The following GAL3ST2 variants were observed in gnomAD, a reference collection of about 807,000 sequenced individuals.
GAL3ST2 encodes galactose-3-O-sulfotransferase 2.
A neutral mutation model predicts 12.9 loss-of-function variants in GAL3ST2; 16 were observed. The ratio of observed to expected loss-of-function variants is 1.24; its 90% CI spans 0.84 to 1.88. The LOEUF is 1.88. GAL3ST2 is among the 40% of genes most tolerant of loss of function. GAL3ST2 has a pLI of 0.00. For missense variants in GAL3ST2, 639 were observed against 571.8 expected (o/e 1.12, Z -1.20); for synonymous variants, 302 against 273.9 (o/e 1.10, Z -1.01).
intron 1 of GAL3ST2, among the ~76,000 whole-genome samples, chr2:241,784,475 C>T (rs1699604354): frequency 6.6e-6 from 1 of 152,088 alleles, no homozygotes; most frequent in Middle Eastern, 3.2e-3. Flanking sequence ...TTAACAAATG[C>T]AAACAAAAAT....
In GAL3ST2 at chr2:241,803,903, G is replaced by T; in HGVS notation, c.934G>T (p.Ala312Ser). The T allele has an allele frequency of 2.1e-6, 3 of 1,413,968 alleles. No individual in the cohort carries two copies. The highest frequency in any genetic ancestry group is 1.8e-6 in the Non-Finnish European group (2 of 1,091,700). The allele number at this position is 1,413,968 out of a possible 1,614,324, so 87.6% of individuals were successfully genotyped here. A position where few individuals can be genotyped will look rare whatever the true frequency, so the allele number is the denominator to read the frequency against. The part of the protein sequence containing the change: ...RLRGEVERLR[A>S]RRRELASLCL... ...GCGCGGGGAGGTGGAGCGGCTGCGC[G>T]CCCGGAGGCGCGAACTCGCGAGCCT... The change falls in exon 4 of 4, where the codon GCC becomes TCC. Residue 312 changes from alanine to serine, a missense_variant. Ala to Ser is a moderately conservative substitution (Grantham distance 99, BLOSUM62 1). Coordinates refer to ENST00000192314, the MANE Select transcript of GAL3ST2 (RefSeq NM_022134.3).
chr2:241,799,999 A>C (rs544498342), intron 2 of GAL3ST2, among the ~76,000 whole-genome samples: 8 of 152,334 alleles, frequency 5.3e-5, no homozygotes, highest in African/African-American at 1.4e-4. Flanking sequence ...AAGGGACAAG[A>C]AGCACTGCAC....
In GAL3ST2 at chr2:241,795,050, G is replaced by A. The variant is rs1047026009; in HGVS notation, c.30-4015G>A. On this transcript the variant is annotated intron_variant, in intron 1 of 3. Transcript: ENST00000192314. The surrounding 1 kb of genome is among the most constrained non-coding windows in gnomAD (Gnocchi z 4.5). ...GCCACAGGCTCTCCTTAAAGAATGT[G>A]TAACAATGTGTAACTCCTGCGTGTA... Among the ~76,000 whole-genome samples the A allele has an allele frequency of 2.0e-5, 3 of 152,082 alleles. No homozygotes were observed. The highest frequency in any genetic ancestry group is 2.1e-4 in the South Asian group (1 of 4,820).
rs866723965 is a variant in GAL3ST2, at chr2:241,804,135, C to T, written c.1166C>T (p.Pro389Leu). 1.4e-6 allele frequency: 2 copies of T among 1,475,756 alleles called. No individual in the cohort carries two copies. Among genetic ancestry groups the T allele is most frequent in the Non-Finnish European group, 1.8e-6 (2 of 1,108,952 alleles). The allele number at this position is 1,475,756 out of a possible 1,614,324, so 91.4% of individuals were successfully genotyped here. ...RLYALQFPEK[P>L]LKNIPFLGA ...TACGCCCTGCAGTTCCCGGAGAAGC[C>T]CCTCAAGAACATCCCGTTCCTGGGG... Residue 389 changes from proline (P) to leucine (L), a missense_variant, in exon 4 of 4, where the codon CCC (proline) becomes CTC (leucine). By Grantham distance (98) the Pro-to-Leu change is moderately conservative (BLOSUM62 -3). Coordinates refer to ENST00000192314, the MANE Select transcript of GAL3ST2 (RefSeq NM_022134.3).
rs1699845977 is a variant in GAL3ST2, at chr2:241,801,561, AGT to A, written c.120-219_120-218del. 26 of 588,052 alleles carry A rather than the reference AGT, an allele frequency of 4.4e-5. No homozygotes were observed. Among genetic ancestry groups the A allele is most frequent in the Non-Finnish European group, 7.2e-5 (24 of 335,092 alleles). 36.4% of individuals were successfully genotyped at this position (588,052 alleles called of 1,614,324 possible). A position where few individuals can be genotyped will look rare whatever the true frequency, so the allele number is the denominator to read the frequency against. On this transcript the variant is annotated intron_variant, in intron 2 of 3. Coordinates refer to ENST00000192314, the MANE Select transcript of GAL3ST2 (RefSeq NM_022134.3). The surrounding 1 kb of genome is among the most constrained non-coding windows in gnomAD (Gnocchi z 4.4). ...TTGGGGGAGCATGGTTACGGGAGAC[AGT>A]TGGGGGAGTTTGTGTTCGGGCCACC...
At chr2:241,790,589 C>G (rs1699683378) in intron 1 of GAL3ST2, among the ~76,000 whole-genome samples, 1 of 152,042 alleles carries the variant, frequency 6.6e-6, no homozygotes, top group African/African-American at 2.4e-5. Flanking sequence ...TTTATTTGAC[C>G]CTGTATATCA....
rs1279024847 is a variant in GAL3ST2 at position 241,795,594 on chromosome 2, C to CT, written c.30-3470dup. ...GTGGGCCTTATCAGTGAGTTAATCT[C>CT]TAACTGTGCGGAGCCGTAAAACTGC... is the stretch of plus-strand genomic sequence containing the variant. On this transcript the variant is annotated intron_variant, in intron 1 of 3. Transcript: ENST00000192314. This position sits in a 1 kb window ranked among gnomAD's most constrained non-coding sequence, Gnocchi z 4.5. 2.6e-5 allele frequency among the ~76,000 whole-genome samples: 4 copies of CT among 152,168 alleles called. No individual in the cohort carries two copies. The highest frequency in any genetic ancestry group is 1.3e-4 in the Admixed American group (2 of 15,282).
chr2:241,799,931 C>G (rs1264435284), intron 2 of GAL3ST2, among the ~76,000 whole-genome samples: 1 of 152,194 alleles, frequency 6.6e-6, no homozygotes, highest in Non-Finnish European at 1.5e-5. Context: ...TAGGAGTGGG[C>G]CCAGCCCTAC....
rs555124813 is a variant in GAL3ST2, at chr2:241,793,457, C to T, written c.30-5608C>T. Among the ~76,000 whole-genome samples the T allele has an allele frequency of 2.2e-4, 32 of 147,578 alleles. 1 individual carries two copies. The South Asian group carries it at 2.7e-3, about 13-fold the overall frequency. On this transcript the variant is annotated intron_variant, in intron 1 of 3. Coordinates refer to ENST00000192314, the MANE Select transcript of GAL3ST2 (RefSeq NM_022134.3). The surrounding 1 kb of genome is among the most constrained non-coding windows in gnomAD (Gnocchi z 4.7). Reference sequence around the variant, plus strand: ...TACGTGTATGTATGTACTGTGTATGCGTGTGTATGTGTATGCATGTGTATT... The same window carrying T: ...TACGTGTATGTATGTACTGTGTATGTGTGTGTATGTGTATGCATGTGTATT...
intron 1 of GAL3ST2, among the ~76,000 whole-genome samples, chr2:241,788,387 T>G (rs1440398070): frequency 6.7e-6 from 1 of 149,442 alleles, no homozygotes; most frequent in African/African-American, 2.4e-5. Flanking sequence ...CTTGGCTGTA[T>G]TTTTTTTTTC....
chr2:241,781,523 C>CCTAAACAGTGTCACAAGTACTTTA, intron 1 of GAL3ST2, among the ~76,000 whole-genome samples: 1 of 152,060 alleles, frequency 6.6e-6, no homozygotes, highest in African/African-American at 2.4e-5. Context: ...CAGCCATAGT[C>CCTAAACAGTGTCACAAGTACTTTA]AAAGACACAA....
rs572538701 is a variant in GAL3ST2, at chr2:241,795,140, T to G, written c.30-3925T>G. The stretch of plus-strand genomic sequence containing the variant: ...ACCCATTTACTGCCCCACGGTGCTC[T>G]GGGTCGGTCACGGGCACCTGTGGCT... On this transcript the variant is annotated intron_variant, in intron 1 of 3. Transcript: ENST00000192314. This position sits in a 1 kb window ranked among gnomAD's most constrained non-coding sequence, Gnocchi z 4.5. Among the ~76,000 whole-genome samples, 101 of 152,112 alleles carry G rather than the reference T, an allele frequency of 6.6e-4. No homozygotes were observed. Among genetic ancestry groups the G allele is most frequent in the Non-Finnish European group, 1.2e-3 (85 of 68,026 alleles).
At chr2:241,782,604 G>A (rs1403680421) in intron 1 of GAL3ST2, among the ~76,000 whole-genome samples, 2 of 152,138 alleles carry the variant, frequency 1.3e-5, no homozygotes, top group Admixed American at 6.5e-5. Flanking sequence ...GGGATTACAG[G>A]TGTGTACCAC....
At position 241,803,800 on chromosome 2, in the gene GAL3ST2, G is replaced by C; in HGVS notation, c.831G>C (p.Ala277=). 6.7e-7 allele frequency: 1 copy of C among 1,500,502 alleles called. No individual in the cohort carries two copies. The highest frequency in any genetic ancestry group is 8.8e-7 in the Non-Finnish European group (1 of 1,132,468). The allele number at this position is 1,500,502 out of a possible 1,614,324, so 92.9% of individuals were successfully genotyped here. A position where few individuals can be genotyped will look rare whatever the true frequency, so the allele number is the denominator to read the frequency against. ...ETRERARSWC[A]LDWRLYEHFN... Reference sequence around the variant, plus strand: ...GGGAGCGCGCGCGGAGCTGGTGCGCGCTGGACTGGCGCCTGTACGAGCATT... The same window carrying C: ...GGGAGCGCGCGCGGAGCTGGTGCGCCCTGGACTGGCGCCTGTACGAGCATT... Residue 277 remains alanine, a synonymous_variant, in exon 4 of 4, where the codon GCG becomes GCC. Transcript: ENST00000192314.
At chr2:241,796,032 G>T (rs907717605) in intron 1 of GAL3ST2, among the ~76,000 whole-genome samples, 1 of 152,232 alleles carries the variant, frequency 6.6e-6, no homozygotes, top group South Asian at 2.1e-4. Flanking sequence ...CTGAGGTGCC[G>T]CGTGTGCCGT....
chr2:241,798,737 G>A (rs575748992), intron 1 of GAL3ST2, among the ~76,000 whole-genome samples: 6 of 152,234 alleles, frequency 3.9e-5, no homozygotes, highest in African/African-American at 1.2e-4. Context: ...CGTGGGTAGA[G>A]GTCCCCTGAC....
chr2:241,796,776 G>A (rs1699776263), intron 1 of GAL3ST2, among the ~76,000 whole-genome samples: 1 of 152,164 alleles, frequency 6.6e-6, no homozygotes, highest in Admixed American at 6.5e-5. Flanking sequence ...TGGTTACTGG[G>A]TGGTTCCCGT....
At chr2:241,784,195 G>A (rs958023244) in intron 1 of GAL3ST2, among the ~76,000 whole-genome samples, 26 of 151,916 alleles carry the variant, frequency 1.7e-4, no homozygotes, top group African/African-American at 3.4e-4. Flanking sequence ...CACCACGCCC[G>A]GTTAATTTTT....
chr2:241,801,642 C>A lies in GAL3ST2; in HGVS notation c.120-139C>A. 5 of 1,147,542 alleles carry A rather than the reference C, an allele frequency of 4.4e-6. No homozygotes were observed. Among genetic ancestry groups the A allele is most frequent in the Non-Finnish European group, 6.0e-6 (5 of 828,412 alleles). The allele number at this position is 1,147,542 out of a possible 1,614,324, so 71.1% of individuals were successfully genotyped here. A position where few individuals can be genotyped will look rare whatever the true frequency, so the allele number is the denominator to read the frequency against. On this transcript the variant is annotated intron_variant, in intron 2 of 3. Coordinates refer to ENST00000192314, the MANE Select transcript of GAL3ST2 (RefSeq NM_022134.3). The surrounding 1 kb of genome is among the most constrained non-coding windows in gnomAD (Gnocchi z 4.4). ...ATTGGGGCCATGGGTCGGTGCCTAC[C>A]CAGTTGGCCCCCTGGCCTAGAGTTG...
Sources: allele counts gnomAD v4.1 joint callset (sites outside exome capture counted in the v4.1 genomes callset), GRCh38; gene constraint gnomAD v4.1.1; non-coding constraint Gnocchi (gnomAD v3.1); transcripts MANE v1.5; gene names NCBI Gene and HGNC (gene_info 2026-07-23, HGNC 2026-07-21).